CCDC180: variants seen among roughly 807,000 people sequenced by gnomAD.
CCDC180 encodes the protein coiled-coil domain containing 180.
In CCDC180, 154 loss-of-function variants were observed where a neutral mutation model predicts 209.2. The observed-to-expected ratio is 0.74, with a 90% CI of 0.65 to 0.84. The LOEUF is 0.84. CCDC180 is among the 40% of genes least tolerant of loss of function. The pLI is 0.00. For synonymous variants in CCDC180, 778 were observed against 749.1 expected, an observed-to-expected ratio of 1.04 and a Z score of -0.63; for missense variants, 1,874 against 1,997.3, an observed-to-expected ratio of 0.94 and a Z score of 1.18.
rs780152308 is a variant in CCDC180, at chr9:97,330,337, C to T, written c.1844C>T (p.Pro615Leu). ...TCATCAACAGAAGCACATGAAAAAC[C>T]CTCCCAGAAGAGAGTGAAAAAACTG... Reference protein sequence around the residue: ...KFRQPEAHEKPSQKRVKKLRK... With the variant: ...KFRQPEAHEKLSQKRVKKLRK... The change falls in exon 18 of 37, where the codon CCC becomes CTC. Residue 615 changes from proline to leucine, a missense_variant. Pro to Leu is a moderately conservative substitution (Grantham distance 98). Transcript: ENST00000529487. 6.8e-6 allele frequency: 11 copies of T among 1,612,830 alleles called. No homozygotes were observed. In the African/African-American group the frequency reaches 1.3e-4, roughly 20 times the overall value.
rs1018414335 is a variant in CCDC180, at chr9:97,314,843, A to G, written c.700-8A>G. 1.2e-6 allele frequency: 2 copies of G among 1,612,938 alleles called. No homozygotes were observed. Among genetic ancestry groups the G allele is most frequent in the African/African-American group, 1.3e-5 (1 of 74,914 alleles). On this transcript the variant is annotated splice_polypyrimidine_tract_variant and splice_region_variant and intron_variant, in intron 7 of 36. Transcript: ENST00000529487. ...GAGCCACTAAGTATGGTGCCTTGTC[A>G]TTTCTAGCTAAAAAGCGTGTTGAAG...
At chr9:97,326,796 A>G in intron 15 of CCDC180, 127 bp downstream of exon 15, 1 of 634,282 alleles carries the variant, frequency 1.6e-6, no homozygotes, top group Non-Finnish European at 2.8e-6. Context: ...CTCACTTTAG[A>G]AAGCATGTGG....
chr9:97,350,003 C>T (rs1220504114), intron 21 of CCDC180, among the ~76,000 whole-genome samples: 2 of 152,082 alleles, frequency 1.3e-5, no homozygotes, highest in East Asian at 3.9e-4. Flanking sequence ...TGCTCTGATC[C>T]AGCACACCCA....
chr9:97,326,065 C>T (rs1338176242), intron 14 of CCDC180, among the ~76,000 whole-genome samples: 1 of 152,214 alleles, frequency 6.6e-6, no homozygotes, highest in African/African-American at 2.4e-5. Context: ...ACATGTCATT[C>T]ATGTAGCAAA....
chr9:97,351,294 C>A (rs1826412973), intron 22 of CCDC180, among the ~76,000 whole-genome samples: 2 of 152,212 alleles, frequency 1.3e-5, no homozygotes, highest in African/African-American at 4.8e-5. Context: ...GTTCCAGTTT[C>A]TCTACATTAT....
chr9:97,348,765 G>T (rs1266230944), intron 20 of CCDC180, among the ~76,000 whole-genome samples: 1 of 152,160 alleles, frequency 6.6e-6, no homozygotes, highest in African/African-American at 2.4e-5. Flanking sequence ...TGCTGTACTT[G>T]CTGTTACCCA....
chr9:97,352,849 A>G (rs2118830434), intron 22 of CCDC180, among the ~76,000 whole-genome samples: 1 of 151,614 alleles, frequency 6.6e-6, no homozygotes, highest in South Asian at 2.1e-4. Context: ...TCACTGATTC[A>G]CTCTGTAACT....
rs371316800 is a variant in CCDC180, at chr9:97,348,825, C to A, written c.2675-286C>A. On this transcript the variant is annotated intron_variant, in intron 20 of 36. Transcript: ENST00000529487. Reference sequence around the variant, plus strand: ...GCCCTCCCCAACACCCCCTGCCCATCCTGCCTGCTACTCAGCTGCTTCCCA... The same window carrying A: ...GCCCTCCCCAACACCCCCTGCCCATACTGCCTGCTACTCAGCTGCTTCCCA... Among the ~76,000 whole-genome samples the A allele has an allele frequency of 3.5e-4, 54 of 152,350 alleles. No individual in the cohort carries two copies. In the East Asian group the frequency reaches 5.4e-3, roughly 15 times the overall value.
Position 97,357,667 on chromosome 9 carries a change from C to T in CCDC180, c.3305C>T (p.Ser1102Phe), listed in dbSNP as rs1826619969. 1 of 1,613,418 alleles carries T rather than the reference C, an allele frequency of 6.2e-7. No homozygotes were observed. The highest frequency in any genetic ancestry group is 8.5e-7 in the Non-Finnish European group (1 of 1,179,878). Residue 1102 changes from serine to phenylalanine, a missense_variant, in exon 25 of 37, where the codon TCT (serine) becomes TTT (phenylalanine). Transcript: ENST00000529487. Reference protein sequence around the residue: ...SNSQTNGLNFSLQQLQNKIKT... With the variant: ...SNSQTNGLNFFLQQLQNKIKT... ...TCGCAAACAAATGGATTAAATTTCT[C>T]TCTGCAACAGCTTCAGAACAAGATA... is the stretch of plus-strand genomic sequence containing the variant.
At position 97,333,338 on chromosome 9, in the gene CCDC180, TG is replaced by T. The variant is rs1237578249; in HGVS notation, c.2274+2572del. ...TTGGCCTGAAATTTTCTTTGTTTGT[TG>T]TGTTTCTGCCAGGTTTTGGCATCAG... On this transcript the variant is annotated intron_variant, in intron 18 of 36. Coordinates refer to ENST00000529487, the MANE Select transcript of CCDC180 (RefSeq NM_020893.6). Among the ~76,000 whole-genome samples the T allele has an allele frequency of 2.0e-5, 3 of 152,126 alleles. No homozygotes were observed. The East Asian group carries it at 5.8e-4, about 29-fold the overall frequency.
intron 18 of CCDC180, among the ~76,000 whole-genome samples, chr9:97,336,713 G>T (rs988534400): frequency 6.6e-6 from 1 of 152,172 alleles, no homozygotes; most frequent in African/African-American, 2.4e-5. Context: ...GTCATTGGTA[G>T]CTTGATGGGG....
At chr9:97,364,915 T>G (rs949389930) in intron 29 of CCDC180, among the ~76,000 whole-genome samples, 4 of 152,202 alleles carry the variant, frequency 2.6e-5, no homozygotes, top group Non-Finnish European at 5.9e-5. Context: ...GCCATGGGGC[T>G]GGGGATTCCA....
intron 33 of CCDC180, 94 bp downstream of exon 33, chr9:97,370,872 A>G: frequency 7.4e-7 from 1 of 1,349,330 alleles, no homozygotes; most frequent in Admixed American, 2.2e-5. Flanking sequence ...CTTTCTTGGT[A>G]TCTTGCCCAA....
chr9:97,312,392 G>C (rs927485215), intron 4 of CCDC180, among the ~76,000 whole-genome samples, 191 bp downstream of exon 4: 11 of 152,088 alleles, frequency 7.2e-5, no homozygotes, highest in African/African-American at 2.7e-4. Context: ...CAGAGAGCTG[G>C]GGGAGGAGGG....
chr9:97,329,515 T>G (rs1008135728), intron 16 of CCDC180, among the ~76,000 whole-genome samples: 3 of 152,250 alleles, frequency 2.0e-5, no homozygotes, highest in African/African-American at 7.2e-5. Flanking sequence ...TAGCACAGAA[T>G]GCAGCAGATT....
At chr9:97,343,004 T>G (rs1826133298) in intron 18 of CCDC180, among the ~76,000 whole-genome samples, 1 of 152,180 alleles carries the variant, frequency 6.6e-6, no homozygotes, top group Non-Finnish European at 1.5e-5. Flanking sequence ...AGGTATGTAA[T>G]AGAAAAGAGG....
At chr9:97,324,981 C>T (rs745980986) in intron 13 of CCDC180, 38 bp from the exon 14 acceptor site, 1 of 1,589,472 alleles carries the variant, frequency 6.3e-7, no homozygotes, top group South Asian at 1.1e-5. Context: ...CTGGGACTGT[C>T]AGCCCTTAAG....
chr9:97,357,041 C>T (rs1023320575), intron 24 of CCDC180, among the ~76,000 whole-genome samples: 3 of 152,240 alleles, frequency 2.0e-5, no homozygotes, highest in African/African-American at 7.2e-5. Context: ...TTTACTTAAG[C>T]ATTCCTTTCT....
At chr9:97,315,198 C>T (rs1370419518) in intron 8 of CCDC180, among the ~76,000 whole-genome samples, 3 of 152,184 alleles carry the variant, frequency 2.0e-5, no homozygotes, top group Non-Finnish European at 4.4e-5. Context: ...GAACCAGGCA[C>T]ACCTAATATA....
Sources: allele counts gnomAD v4.1 joint callset (sites outside exome capture counted in the v4.1 genomes callset), GRCh38; gene constraint gnomAD v4.1.1; transcripts MANE v1.5; gene names NCBI Gene and HGNC (gene_info 2026-07-23, HGNC 2026-07-21).